Variants in GALNT13 observed in about 807,000 individuals in gnomAD.
GALNT13 encodes the protein polypeptide N-acetylgalactosaminyltransferase 13, also known as UDP-GalNAc:polypeptide N-acetylgalactosaminyltransferase 13.
Under a neutral mutation model 64.2 loss-of-function variants are expected in GALNT13, and 28 were observed. That is an observed-to-expected ratio of 0.44 (90% CI 0.32 to 0.60). GALNT13 has a LOEUF of 0.60. Ranked by LOEUF, GALNT13 falls within the 20% of genes least tolerant of loss-of-function variation. The pLI is 0.05. For missense variants in GALNT13, 577 were observed against 669.8 expected (o/e 0.86, Z 1.53); for synonymous variants, 214 against 224.6 (o/e 0.95, Z 0.42).
At chr2:153,357,921 A>G in the GALNT13 span, among the ~76,000 whole-genome samples, 1 of 152,206 alleles carries the variant, frequency 6.6e-6, no homozygotes, top group Non-Finnish European at 1.5e-5. Context: ...CTATAATGTA[A>G]TGTCACTGTA....
chr2:154,011,732 T>C (rs931711002), intron 3 of GALNT13, among the ~76,000 whole-genome samples: 2 of 152,194 alleles, frequency 1.3e-5, no homozygotes, highest in East Asian at 1.9e-4. Context: ...AAACTTGTTT[T>C]ATGAATCCGT....
rs563538024 is a variant in GALNT13, at chr2:154,148,375, G to A, written c.311+7870G>A. On this transcript the variant is annotated intron_variant, in intron 4 of 12. Coordinates refer to ENST00000392825, the MANE Select transcript of GALNT13 (RefSeq NM_052917.4). ...AGTCTTTGCTATTGTGAATAGTGCC[G>A]CAATAAACATACATGTGCACGTGTC... Among the ~76,000 whole-genome samples the A allele has an allele frequency of 2.8e-3, 421 of 152,110 alleles. 1 individual carries two copies. Among genetic ancestry groups the A allele is most frequent in the African/African-American group, 9.2e-3 (381 of 41,486 alleles).
chr2:153,884,864 C>T (rs1443587864), intron 1 of GALNT13, among the ~76,000 whole-genome samples: 1 of 134,392 alleles, frequency 7.4e-6, no homozygotes, highest in Non-Finnish European at 1.6e-5. Context: ...TATACACACA[C>T]ACACACACAC....
chr2:153,498,890 C>G, the GALNT13 span, among the ~76,000 whole-genome samples: 2 of 151,990 alleles, frequency 1.3e-5, no homozygotes, highest in Non-Finnish European at 2.9e-5. Context: ...GCTCTGTCAC[C>G]AGGCTGGAGT....
the GALNT13 span, among the ~76,000 whole-genome samples, chr2:153,716,176 G>A: frequency 6.6e-6 from 1 of 152,168 alleles, no homozygotes; most frequent in African/African-American, 2.4e-5. Context: ...GAGCCCGAGA[G>A]AAAATCAGAT....
At chr2:153,767,805 T>TA in the GALNT13 span, among the ~76,000 whole-genome samples, 1 of 150,988 alleles carries the variant, frequency 6.6e-6, no homozygotes, top group African/African-American at 2.4e-5. Flanking sequence ...TTTTTTTTTT[T>TA]CCCCCTGTTT....
chr2:153,882,182 G>T (rs1043905169), intron 1 of GALNT13, among the ~76,000 whole-genome samples: 1 of 150,332 alleles, frequency 6.7e-6, no homozygotes, highest in African/African-American at 2.4e-5. Context: ...AATGTAGGGG[G>T]GGGTCGAGGC....
At chr2:153,482,469 G>GT in the GALNT13 span, among the ~76,000 whole-genome samples, 1 of 152,068 alleles carries the variant, frequency 6.6e-6, no homozygotes, top group African/African-American at 2.4e-5. Context: ...CATGTTTTTT[G>GT]TTTTTGTTTT....
At chr2:153,729,586 T>G in the GALNT13 span, among the ~76,000 whole-genome samples, 3 of 152,040 alleles carry the variant, frequency 2.0e-5, no homozygotes, top group African/African-American at 7.2e-5. Flanking sequence ...GAGTCAAAAT[T>G]TACTTTGCCC....
chr2:153,317,440 T>G, the GALNT13 span, among the ~76,000 whole-genome samples: 1 of 152,180 alleles, frequency 6.6e-6, no homozygotes, highest in African/African-American at 2.4e-5. Flanking sequence ...TCAAGTAAAC[T>G]GTAATTCTTT....
chr2:153,281,414 T>G, the GALNT13 span, among the ~76,000 whole-genome samples: 11 of 152,170 alleles, frequency 7.2e-5, no homozygotes, highest in Non-Finnish European at 1.6e-4. Flanking sequence ...GTTTCCATAC[T>G]GATTATCAGG....
the GALNT13 span, among the ~76,000 whole-genome samples, chr2:153,376,312 A>G: frequency 6.6e-6 from 1 of 152,188 alleles, no homozygotes; most frequent in Non-Finnish European, 1.5e-5. Context: ...ATCGTTCAGT[A>G]TCACATGGCA....
chr2:153,816,894 A>G, the GALNT13 span, among the ~76,000 whole-genome samples: 1 of 152,202 alleles, frequency 6.6e-6, no homozygotes, highest in African/African-American at 2.4e-5. Context: ...TTCTGAAGCA[A>G]GGTCACACGT....
At chr2:153,538,195 C>T in the GALNT13 span, among the ~76,000 whole-genome samples, 3 of 152,136 alleles carry the variant, frequency 2.0e-5, no homozygotes, top group African/African-American at 7.2e-5. Context: ...ATAAAGGTGA[C>T]TCTTGCTATG....
intron 4 of GALNT13, among the ~76,000 whole-genome samples, chr2:154,146,778 A>T (rs555092570): frequency 6.7e-6 from 1 of 149,544 alleles, no homozygotes; most frequent in Admixed American, 6.7e-5. Flanking sequence ...TTTATTATCC[A>T]TTAGTTTCCC....
At chr2:153,510,191 G>A in the GALNT13 span, among the ~76,000 whole-genome samples, 1 of 152,130 alleles carries the variant, frequency 6.6e-6, no homozygotes. Flanking sequence ...ATCATTTTTA[G>A]TCTGTCCCAA....
In GALNT13 at chr2:154,224,041, A is replaced by G. The variant is rs183431236; in HGVS notation, c.312-17989A>G. ...AAAAAGAAGTTTACATTATTTATTTATTTATTTGTATAGCGTATGTGTGTA... is the reference window on the plus strand; with the variant it reads ...AAAAAGAAGTTTACATTATTTATTTGTTTATTTGTATAGCGTATGTGTGTA... On this transcript the variant is annotated intron_variant, in intron 4 of 12. Coordinates refer to ENST00000392825, the MANE Select transcript of GALNT13 (RefSeq NM_052917.4). Among the ~76,000 whole-genome samples, 9 of 152,174 alleles carry G rather than the reference A, an allele frequency of 5.9e-5. No individual in the cohort carries two copies. The East Asian group carries it at 1.5e-3, about 26-fold the overall frequency.
chr2:154,437,025 G>A (rs1218950134), intron 11 of GALNT13: 1 of 152,082 alleles, frequency 6.6e-6, no homozygotes, highest in Non-Finnish European at 1.5e-5. Flanking sequence ...CCCAAGTAGT[G>A]GGGACAACAG....
chr2:154,315,732 G>C (rs1443881198), intron 9 of GALNT13, among the ~76,000 whole-genome samples: 1 of 152,192 alleles, frequency 6.6e-6, no homozygotes, highest in Non-Finnish European at 1.5e-5. Flanking sequence ...TTTAACTGGA[G>C]TTTCAAAATA....
Sources: gnomAD v4.1 joint callset for allele counts (sites outside exome capture counted in the v4.1 genomes callset) on GRCh38, gnomAD v4.1.1 for gene constraint, MANE v1.5 for transcripts, NCBI Gene and HGNC (gene_info 2026-07-23, HGNC 2026-07-21) for gene names.